Variants in WDR72 observed in about 807,000 individuals in gnomAD.
The protein encoded by WDR72 is WD repeat domain 72, also known as WD repeat-containing protein 72.
WDR72 carries 120 observed loss-of-function variants against 124.2 expected under a neutral mutation model. The ratio of observed to expected loss-of-function variants is 0.97; its 90% CI spans 0.83 to 1.12. The LOEUF is 1.12. Ranked by LOEUF, WDR72 falls within the 50% of genes most tolerant of loss-of-function variation. The pLI is 0.00. For missense variants in WDR72, 1,387 were observed against 1,278.8 expected, an observed-to-expected ratio of 1.08 and a Z score of -1.29; for synonymous variants, 452 against 441.7, an observed-to-expected ratio of 1.02 and a Z score of -0.29.
intron 18 of WDR72, among the ~76,000 whole-genome samples, chr15:53,583,353 A>C (rs527618099): frequency 6.6e-6 from 1 of 152,202 alleles, no homozygotes; most frequent in African/African-American, 2.4e-5. Flanking sequence ...TTAGTATCTA[A>C]AAATAGTGGT....
chr15:53,592,315 A>T (rs2012546991), intron 18 of WDR72, among the ~76,000 whole-genome samples: 1 of 152,050 alleles, frequency 6.6e-6, no homozygotes, highest in Admixed American at 6.6e-5. Context: ...AGTAAATGAA[A>T]AAAAGATGCA....
chr15:53,592,966 A>G (rs965002319), intron 18 of WDR72, among the ~76,000 whole-genome samples: 5 of 152,124 alleles, frequency 3.3e-5, no homozygotes, highest in Non-Finnish European at 7.4e-5. Context: ...TTTCCCATAA[A>G]ACACAGATAC....
chr15:53,629,087 G>A (rs1002190303), intron 14 of WDR72, among the ~76,000 whole-genome samples: 18 of 151,960 alleles, frequency 1.2e-4, no homozygotes, highest in African/African-American at 3.6e-4. Context: ...GACATACACC[G>A]AATATTAATG....
chr15:53,687,068 A>G (rs1222234570), intron 13 of WDR72, among the ~76,000 whole-genome samples: 4 of 150,814 alleles, frequency 2.7e-5, no homozygotes, highest in Non-Finnish European at 5.9e-5. Flanking sequence ...AGCACTGTGT[A>G]GAGGGAAATT....
chr15:53,525,558 T>C (rs926408540), intron 18 of WDR72, among the ~76,000 whole-genome samples: 96 of 152,194 alleles, frequency 6.3e-4, no homozygotes, highest in African/African-American at 2.2e-3. Context: ...GAGGACATGG[T>C]ATTAGACAAA....
In WDR72 at chr15:53,711,436, T is replaced by C; in HGVS notation, c.757A>G (p.Arg253Gly). The C allele has an allele frequency of 1.2e-6, 2 of 1,614,032 alleles. No homozygotes were observed. Among genetic ancestry groups the C allele is most frequent in the South Asian group, 2.2e-5 (2 of 91,088 alleles). The change falls in exon 8 of 20, where the codon AGA becomes GGA. Residue 253 changes from arginine to glycine, a missense_variant. By Grantham distance (125) the Arg-to-Gly change is moderately radical (BLOSUM62 -2). Coordinates refer to ENST00000360509, the MANE Select transcript of WDR72 (RefSeq NM_182758.4). ...DFSLLLTEVS[R>G]NGQFFAGGEV... ...CCACCAGCAAAGAACTGCCCATTTC[T>C]ACTAACTTCAGTCAGCAGAAGGGAA...
At chr15:53,725,474 G>A (rs1176407898) in intron 2 of WDR72, among the ~76,000 whole-genome samples, 4 of 152,310 alleles carry the variant, frequency 2.6e-5, no homozygotes, top group Non-Finnish European at 2.9e-5. Flanking sequence ...CAAGTAAGTT[G>A]AAAAGCTGTG....
intron 13 of WDR72, among the ~76,000 whole-genome samples, chr15:53,680,723 T>C (rs1001549221): frequency 4.6e-5 from 7 of 152,252 alleles, no homozygotes; most frequent in African/African-American, 1.4e-4. Context: ...TCTGCTCAAC[T>C]GATGAACTGT....
intron 2 of WDR72, among the ~76,000 whole-genome samples, chr15:53,726,249 T>C (rs1239736833): frequency 2.0e-5 from 2 of 99,122 alleles, no homozygotes; most frequent in Non-Finnish European, 4.2e-5. Context: ...TGTGTGTATA[T>C]ATATATGTAT....
intron 13 of WDR72, among the ~76,000 whole-genome samples, chr15:53,669,387 A>AG (rs1479207067): frequency 3.9e-5 from 6 of 152,144 alleles, no homozygotes; most frequent in Admixed American, 3.3e-4. Context: ...TAGGGGGTGG[A>AG]GGGGGGTCTT....
chr15:53,689,190 C>G (rs145223494), intron 13 of WDR72, among the ~76,000 whole-genome samples: 3,490 of 150,986 alleles, frequency 0.023, 76 homozygotes, highest in East Asian at 0.061. Flanking sequence ...AAAAGCAATG[C>G]CAACAAAAGC....
At chr15:53,570,181 C>T (rs1167945277) in intron 18 of WDR72, among the ~76,000 whole-genome samples, 2 of 151,568 alleles carry the variant, frequency 1.3e-5, no homozygotes, top group Admixed American at 6.6e-5. Context: ...ATTTATTGGG[C>T]ACAACATGAT....
chr15:53,551,618 C>T (rs1893732614), intron 18 of WDR72, among the ~76,000 whole-genome samples: 1 of 152,028 alleles, frequency 6.6e-6, no homozygotes, highest in African/African-American at 2.4e-5. Flanking sequence ...AATTCTTATG[C>T]TATGTAAAAA....
At chr15:53,555,281 C>T (rs1038255841) in intron 18 of WDR72, among the ~76,000 whole-genome samples, 1 of 151,470 alleles carries the variant, frequency 6.6e-6, no homozygotes, top group Non-Finnish European at 1.5e-5. Context: ...AGGAAGTGCA[C>T]GTGCACTTCA....
chr15:53,685,002 T>A (rs1210947972), intron 13 of WDR72, among the ~76,000 whole-genome samples: 2 of 152,196 alleles, frequency 1.3e-5, no homozygotes, highest in Admixed American at 1.3e-4. Flanking sequence ...CTGAGGGTCC[T>A]GTCTGTTAGA....
chr15:53,674,400 G>A lies in WDR72; in HGVS notation c.1766-8632C>T, dbSNP rs1478654853. Among the ~76,000 whole-genome samples, 5 of 152,202 alleles carry A rather than the reference G, an allele frequency of 3.3e-5. No homozygotes were observed. In the East Asian group the frequency reaches 7.7e-4, roughly 24 times the overall value. On this transcript the variant is annotated intron_variant, in intron 13 of 19. Coordinates refer to ENST00000360509, the MANE Select transcript of WDR72 (RefSeq NM_182758.4). The stretch of plus-strand genomic sequence containing the variant: ...AGTTACTCATGAAGTTCATTGCCTT[G>A]CTCAGAAACACATATGGAGATCGAC...
At chr15:53,753,220 C>T (rs2018816627) in intron 1 of WDR72, among the ~76,000 whole-genome samples, 1 of 152,200 alleles carries the variant, frequency 6.6e-6, no homozygotes, top group African/African-American at 2.4e-5. Flanking sequence ...AGTCAGTCCA[C>T]TGTAATTATA....
rs1218256002 is a variant in WDR72, at chr15:53,515,877, T to A, written c.*1822A>T. On this transcript the variant is annotated 3_prime_UTR_variant, in exon 20 of 20. Transcript: ENST00000360509. ...TAATGAAGCTTATTTTTCATAAACATATCATAACCTGAGCGTCCAAATAGA... is the reference window on the plus strand; with the variant it reads ...TAATGAAGCTTATTTTTCATAAACAAATCATAACCTGAGCGTCCAAATAGA... The A allele has an allele frequency of 6.6e-6, 1 of 152,174 alleles. No homozygotes were observed. 9.4% of individuals were successfully genotyped at this position (152,174 alleles called of 1,614,324 possible).
intron 10 of WDR72, 103 bp from the exon 11 acceptor site, chr15:53,705,336 A>T (rs542365742): frequency 1.9e-6 from 2 of 1,056,944 alleles, no homozygotes; most frequent in East Asian, 4.9e-5. Flanking sequence ...ATACAGTGTT[A>T]CAGCCTATCC....
Sources: allele counts gnomAD v4.1 joint callset (sites outside exome capture counted in the v4.1 genomes callset), GRCh38; gene constraint gnomAD v4.1.1; transcripts MANE v1.5; gene names NCBI Gene and HGNC (gene_info 2026-07-23, HGNC 2026-07-21).